PARM1: variants seen among roughly 807,000 people sequenced by gnomAD.
PARM1 encodes WSC4, cell wall integrity and stress response component 4 homolog.
Under a neutral mutation model 24.6 loss-of-function variants are expected in PARM1, and 14 were observed. The ratio of observed to expected loss-of-function variants is 0.57; its 90% confidence interval spans 0.38 to 0.89. The LOEUF (loss-of-function observed/expected upper bound fraction) is 0.89. PARM1 is among the 40% of genes least tolerant of loss of function. The pLI is 0.00. For missense variants in PARM1, 362 were observed against 380.4 expected (o/e 0.95, Z 0.40); for synonymous variants, 179 against 156.6 (o/e 1.14, Z -1.07).
intron 3 of PARM1, among the ~76,000 whole-genome samples, chr4:75,039,224 A>T (rs1234431171): frequency 6.6e-6 from 1 of 152,202 alleles, no homozygotes; most frequent in South Asian, 2.1e-4. Flanking sequence ...GAATCAATGG[A>T]AGAGTTTATT....
intron 2 of PARM1, among the ~76,000 whole-genome samples, chr4:75,021,086 G>A (rs1403306604): frequency 6.6e-6 from 1 of 152,156 alleles, no homozygotes; most frequent in Non-Finnish European, 1.5e-5. Flanking sequence ...ACAGTGTCTG[G>A]CTCAGTGTAG....
At chr4:75,024,941 C>T (rs1055482402) in intron 2 of PARM1, among the ~76,000 whole-genome samples, 5 of 152,198 alleles carry the variant, frequency 3.3e-5, no homozygotes, top group African/African-American at 9.6e-5. Context: ...GTGATCCACC[C>T]GCCTTGGTCT....
intron 2 of PARM1, among the ~76,000 whole-genome samples, chr4:75,020,113 G>A (rs1307968154): frequency 6.6e-6 from 1 of 151,234 alleles, no homozygotes; most frequent in Non-Finnish European, 1.5e-5. Context: ...TTAAAAATAG[G>A]TTAAAGGGGA....
At chr4:74,993,720 G>T (rs1306561212) in intron 1 of PARM1, among the ~76,000 whole-genome samples, 1 of 152,058 alleles carries the variant, frequency 6.6e-6, no homozygotes, top group East Asian at 1.9e-4. Flanking sequence ...TTTAATTTTT[G>T]ATGACAGAAA....
In PARM1 at chr4:74,946,727, T is replaced by C. The variant is rs901985688; in HGVS notation, c.43+13357T>C. Among the ~76,000 whole-genome samples, 11 of 152,336 alleles carry C rather than the reference T, an allele frequency of 7.2e-5. No individual in the cohort carries two copies. The East Asian group carries it at 1.9e-3, about 27-fold the overall frequency. On this transcript the variant is annotated intron_variant, in intron 1 of 3. Coordinates refer to ENST00000307428, the MANE Select transcript of PARM1 (RefSeq NM_015393.4). ...GGCCAAAGCTGGGACAATTTGAGCA[T>C]TGATGATGATTATAATTGTAATAGT...
chr4:75,031,658 CTT>C (rs1466338136), intron 2 of PARM1, among the ~76,000 whole-genome samples: 1 of 152,088 alleles, frequency 6.6e-6, no homozygotes, highest in Non-Finnish European at 1.5e-5. Flanking sequence ...AGAGAAGAAT[CTT>C]TGAAAAAAGG....
intron 1 of PARM1, among the ~76,000 whole-genome samples, chr4:74,938,022 A>G (rs1013048458): frequency 2.6e-5 from 4 of 152,222 alleles, no homozygotes; most frequent in African/African-American, 9.6e-5. Flanking sequence ...GCTAAACCTT[A>G]AAGGTCAGGT....
At chr4:75,034,032 T>C in intron 3 of PARM1, 71 bp downstream of exon 3, 2 of 1,236,320 alleles carry the variant, frequency 1.6e-6, no homozygotes, top group Admixed American at 4.3e-5. Context: ...GCTGTTTTGC[T>C]GGATACTTGT....
chr4:74,979,583 A>G (rs1722206777), intron 1 of PARM1, among the ~76,000 whole-genome samples: 1 of 152,216 alleles, frequency 6.6e-6, no homozygotes, highest in Non-Finnish European at 1.5e-5. Flanking sequence ...AAAATTGAAA[A>G]GGAGGGACTT....
chr4:74,962,358 A>G (rs1003229213), intron 1 of PARM1, among the ~76,000 whole-genome samples: 3 of 152,234 alleles, frequency 2.0e-5, no homozygotes, highest in African/African-American at 7.2e-5. Context: ...AAAAAAATCA[A>G]CTAAACAGGA....
chr4:74,947,359 AG>A (rs1278203037), intron 1 of PARM1, among the ~76,000 whole-genome samples: 7 of 152,190 alleles, frequency 4.6e-5, no homozygotes, highest in African/African-American at 1.7e-4. Flanking sequence ...ATGAATTACA[AG>A]GAAAAAAAAA....
chr4:75,012,678 CACAA>C lies in PARM1; in HGVS notation c.301_304del (p.Asn101GlnfsTer17), dbSNP rs1560791788. 1 of 1,614,002 alleles carries C rather than the reference CACAA, an allele frequency of 6.2e-7. No individual in the cohort carries two copies. Among genetic ancestry groups the C allele is most frequent in the Non-Finnish European group, 8.5e-7 (1 of 1,179,896 alleles). On this transcript the variant is annotated frameshift_variant, in exon 2 of 4. Coordinates refer to ENST00000307428, the MANE Select transcript of PARM1 (RefSeq NM_015393.4). LOFTEE classifies it high-confidence loss of function. ...CCAGCCCAGGTTCGAATTGGGAAGG[CACAA>C]ACACAGACCCCTCACCTTCTGGGTT...
chr4:74,986,060 C>T (rs753807344), intron 1 of PARM1, among the ~76,000 whole-genome samples: 1 of 152,166 alleles, frequency 6.6e-6, no homozygotes, highest in African/African-American at 2.4e-5. Context: ...AGCCACTGCA[C>T]CCGGCCTTAG....
chr4:74,983,989 C>T (rs1334382548), intron 1 of PARM1, among the ~76,000 whole-genome samples: 1 of 152,166 alleles, frequency 6.6e-6, no homozygotes, highest in African/African-American at 2.4e-5. Context: ...TAGCAAGACC[C>T]CATCTGTAAA....
chr4:74,983,895 C>T (rs533489355), intron 1 of PARM1, among the ~76,000 whole-genome samples: 2 of 152,246 alleles, frequency 1.3e-5, no homozygotes, highest in Non-Finnish European at 2.9e-5. Context: ...GGTCTCGCTA[C>T]GTTGCCAGGC....
chr4:75,046,050 A>C (rs78949951), intron 3 of PARM1, 113 bp from the exon 4 acceptor site: 3 of 679,544 alleles, frequency 4.4e-6, no homozygotes, highest in Admixed American at 2.4e-5. Flanking sequence ...GAGCGTCACA[A>C]CTTTCCCTCT....
intron 1 of PARM1, among the ~76,000 whole-genome samples, chr4:74,963,205 T>TAA (rs1393015836): frequency 3.4e-4 from 52 of 152,232 alleles, no homozygotes; most frequent in African/African-American, 1.2e-3. Flanking sequence ...TCTCAGATAT[T>TAA]TCTTCATAGC....
chr4:74,957,198 G>A (rs1721654591), intron 1 of PARM1: 1 of 152,208 alleles, frequency 6.6e-6, no homozygotes, highest in South Asian at 2.1e-4. Flanking sequence ...GGTACTACTG[G>A]TCTCAATCTC....
intron 1 of PARM1, chr4:74,967,101 A>G (rs192854147): frequency 5.3e-5 from 8 of 152,300 alleles, no homozygotes; most frequent in East Asian, 1.9e-4. Flanking sequence ...AGATCTGCCA[A>G]TTTAGGTATA....
Sources: allele counts gnomAD v4.1 joint callset (sites outside exome capture counted in the v4.1 genomes callset), GRCh38; gene constraint gnomAD v4.1.1; transcripts MANE v1.5; gene names NCBI Gene and HGNC (gene_info 2026-07-23, HGNC 2026-07-21).